Variants in FBXW7 observed in about 807,000 individuals in gnomAD.
The protein encoded by FBXW7 is F-box and WD repeat domain containing 7, also known as F-box/WD repeat-containing protein 7.
FBXW7 carries 11 observed loss-of-function variants against 86.3 expected under a neutral mutation model. That is an observed-to-expected ratio of 0.13 (90% confidence interval 0.08 to 0.21). The LOEUF (loss-of-function observed/expected upper bound fraction) is 0.21, where lower values mean the gene tolerates loss of function less well. Ranked by LOEUF, FBXW7 falls within the 10% of genes least tolerant of loss-of-function variation. The pLI is 1.00. For missense variants in FBXW7, 488 were observed against 847.4 expected (o/e 0.58, Z 5.27); for synonymous variants, 313 against 297.9 (o/e 1.05, Z -0.52).
intron 4 of FBXW7, among the ~76,000 whole-genome samples, chr4:152,370,688 C>A (rs918404686): frequency 6.6e-6 from 1 of 151,840 alleles, no homozygotes; most frequent in African/African-American, 2.4e-5. Context: ...AACAAATATG[C>A]AAATAATGCC....
intron 2 of FBXW7, among the ~76,000 whole-genome samples, chr4:152,460,356 C>T (rs772422177): frequency 2.6e-5 from 4 of 152,080 alleles, no homozygotes; most frequent in Non-Finnish European, 5.9e-5. Flanking sequence ...GTCACAGGTA[C>T]TTGTTTTTAA....
chr4:152,489,899 A>ATG (rs1361901745), intron 2 of FBXW7, among the ~76,000 whole-genome samples: 16 of 152,020 alleles, frequency 1.1e-4, no homozygotes, highest in Non-Finnish European at 2.1e-4. Context: ...AGCCATACCA[A>ATG]TGTTTTCAGT....
intron 4 of FBXW7, among the ~76,000 whole-genome samples, chr4:152,391,698 G>A (rs575877892): frequency 1.5e-4 from 23 of 152,044 alleles, no homozygotes; most frequent in African/African-American, 5.3e-4. Context: ...TAATCACCAC[G>A]CCGAAACCCT....
intron 2 of FBXW7, among the ~76,000 whole-genome samples, chr4:152,487,308 AG>A (rs1419326319): frequency 1.3e-5 from 2 of 152,158 alleles, no homozygotes; most frequent in Admixed American, 1.3e-4. Context: ...CTTTTACAAT[AG>A]AGAAATCAGG....
At chr4:152,455,742 G>A (rs1349269686) in intron 2 of FBXW7, among the ~76,000 whole-genome samples, 1 of 152,054 alleles carries the variant, frequency 6.6e-6, no homozygotes, top group Non-Finnish European at 1.5e-5. Flanking sequence ...TTATCTCATG[G>A]CCTTAGCTCA....
At chr4:152,361,663 T>G (rs1055775575) in intron 4 of FBXW7, among the ~76,000 whole-genome samples, 145 of 152,242 alleles carry the variant, frequency 9.5e-4, no homozygotes, top group African/African-American at 3.2e-3. Flanking sequence ...TATAAACACT[T>G]GAGACCTCCA....
At chr4:152,470,251 A>G (rs998703953) in intron 2 of FBXW7, among the ~76,000 whole-genome samples, 3 of 152,148 alleles carry the variant, frequency 2.0e-5, no homozygotes, top group Non-Finnish European at 2.9e-5. Context: ...TTACTAGACC[A>G]TGTAAAGAAT....
At chr4:152,476,458 G>A (rs751120038) in intron 2 of FBXW7, among the ~76,000 whole-genome samples, 1 of 152,074 alleles carries the variant, frequency 6.6e-6, no homozygotes, top group Non-Finnish European at 1.5e-5. Context: ...AGAAAAACCT[G>A]ATAGTAATCA....
chr4:152,475,288 A>G (rs1170231244), intron 2 of FBXW7, among the ~76,000 whole-genome samples: 1 of 151,924 alleles, frequency 6.6e-6, no homozygotes, highest in Non-Finnish European at 1.5e-5. Flanking sequence ...TTAGCCAGGC[A>G]TGATGGCACA....
In FBXW7 at chr4:152,518,644, A is replaced by G. The variant is rs182623899; in HGVS notation, c.-120+16297T>C. Reference sequence around the variant, plus strand: ...TGCATGTAACTTTTGATAAAATTTTATAAAGGCATATAATTAAAATTTCTG... The same window carrying G: ...TGCATGTAACTTTTGATAAAATTTTGTAAAGGCATATAATTAAAATTTCTG... On this transcript the variant is annotated intron_variant, in intron 2 of 13. Coordinates refer to ENST00000281708, the MANE Select transcript of FBXW7 (RefSeq NM_001349798.2). 3.0e-3 allele frequency among the ~76,000 whole-genome samples: 461 copies of G among 152,336 alleles called. 7 individuals carry two copies. Among genetic ancestry groups the G allele is most frequent in the Non-Finnish European group, 1.6e-3 (110 of 68,026 alleles).
chr4:152,374,242 T>C (rs1734274351), intron 4 of FBXW7, among the ~76,000 whole-genome samples: 2 of 152,054 alleles, frequency 1.3e-5, no homozygotes, highest in African/African-American at 4.8e-5. Context: ...ACCCTATTCT[T>C]TCTTCTCTTC....
intron 2 of FBXW7, among the ~76,000 whole-genome samples, chr4:152,534,390 T>C (rs1337877750): frequency 6.6e-6 from 1 of 152,184 alleles, no homozygotes; most frequent in Non-Finnish European, 1.5e-5. Flanking sequence ...TCTGTTACAG[T>C]GTCCTCCTGA....
chr4:152,351,076 C>T (rs74579093), intron 4 of FBXW7, among the ~76,000 whole-genome samples: 2,082 of 152,120 alleles, frequency 0.014, 26 homozygotes, highest in Middle Eastern at 0.037. Flanking sequence ...TAATTAATCA[C>T]TGTATTACTG....
chr4:152,424,051 T>G (rs988159194), intron 2 of FBXW7, among the ~76,000 whole-genome samples: 4 of 152,160 alleles, frequency 2.6e-5, no homozygotes, highest in Non-Finnish European at 4.4e-5. Context: ...TTCCATTTTT[T>G]GCAGAGATGG....
intron 2 of FBXW7, among the ~76,000 whole-genome samples, chr4:152,505,081 A>G (rs1474672274): frequency 6.6e-6 from 1 of 152,208 alleles, no homozygotes; most frequent in Non-Finnish European, 1.5e-5. Flanking sequence ...CAGGTTACAA[A>G]CCTGTACAGC....
intron 2 of FBXW7, among the ~76,000 whole-genome samples, chr4:152,474,129 C>T (rs1235483269): frequency 6.6e-6 from 1 of 152,128 alleles, no homozygotes; most frequent in Non-Finnish European, 1.5e-5. Context: ...CAGATAAAGG[C>T]TTATTAGGAA....
chr4:152,459,571 G>A (rs962313945), intron 2 of FBXW7, among the ~76,000 whole-genome samples: 1 of 152,028 alleles, frequency 6.6e-6, no homozygotes, highest in Non-Finnish European at 1.5e-5. Context: ...ATACAGCAGC[G>A]ACTCCAAACC....
At chr4:152,426,276 T>C (rs1439835701) in intron 2 of FBXW7, among the ~76,000 whole-genome samples, 1 of 151,906 alleles carries the variant, frequency 6.6e-6, no homozygotes, top group Non-Finnish European at 1.5e-5. Flanking sequence ...GTCTAGTATA[T>C]ATCTAGTTGG....
intron 2 of FBXW7, among the ~76,000 whole-genome samples, chr4:152,490,911 C>G (rs1033526594): frequency 7.7e-4 from 117 of 152,122 alleles, no homozygotes; most frequent in African/African-American, 2.6e-3. Flanking sequence ...TCTTAAAGAT[C>G]GCTGTCCCTG....
Sources: allele counts gnomAD v4.1 joint callset (sites outside exome capture counted in the v4.1 genomes callset), GRCh38; gene constraint gnomAD v4.1.1; transcripts MANE v1.5; gene names NCBI Gene and HGNC (gene_info 2026-07-23, HGNC 2026-07-21).